Variants in ANKRD31 observed in about 807,000 individuals in gnomAD.
The protein encoded by ANKRD31 is ankyrin repeat domain 31.
In ANKRD31, 147 loss-of-function variants were observed where a neutral mutation model predicts 186.0. The ratio of observed to expected loss-of-function variants is 0.79; its 90% confidence interval spans 0.69 to 0.91. ANKRD31 has a LOEUF of 0.91. ANKRD31 is among the 40% of genes least tolerant of loss of function. The pLI is 0.00. For synonymous variants in ANKRD31, 673 were observed against 736.4 expected, an observed-to-expected ratio of 0.91 and a Z score of 1.39; for missense variants, 1,986 against 2,148.8, an observed-to-expected ratio of 0.92 and a Z score of 1.50.
intron 11 of ANKRD31, among the ~76,000 whole-genome samples, chr5:75,158,688 C>G (rs898626132): frequency 1.3e-5 from 2 of 151,986 alleles, no homozygotes; most frequent in Admixed American, 1.3e-4. Context: ...ACCACTCAGG[C>G]AGCTAAGGCA....
chr5:75,138,012 A>C lies in ANKRD31; in HGVS notation c.3734-14T>G. On this transcript the variant is annotated splice_polypyrimidine_tract_variant and intron_variant, in intron 16 of 25. Coordinates refer to ENST00000506364, the MANE Select transcript of ANKRD31 (RefSeq NM_001372053.1). ...GTGGTGTCCAACCTAAAAAAAGAAA[A>C]AGAAAAAAAAAAACCCTGCTTCATG... is the stretch of plus-strand genomic sequence containing the variant. 7.1e-7 allele frequency: 1 copy of C among 1,402,804 alleles called. No homozygotes were observed. Among genetic ancestry groups the C allele is most frequent in the African/African-American group, 2.3e-5 (1 of 43,228 alleles). 86.9% of individuals were successfully genotyped at this position (1,402,804 alleles called of 1,614,324 possible). A position where few individuals can be genotyped will look rare whatever the true frequency, so the allele number is the denominator to read the frequency against.
intron 3 of ANKRD31, among the ~76,000 whole-genome samples, chr5:75,218,443 T>C (rs911566434): frequency 6.6e-6 from 1 of 151,962 alleles, no homozygotes; most frequent in African/African-American, 2.4e-5. Flanking sequence ...TGAAATTAAA[T>C]CAGTAATAAA....
intron 3 of ANKRD31, among the ~76,000 whole-genome samples, chr5:75,216,717 G>T (rs551684880): frequency 2.0e-4 from 31 of 152,168 alleles, no homozygotes; most frequent in African/African-American, 7.2e-4. Context: ...CTACTAAAAT[G>T]TATGTATCTT....
intron 17 of ANKRD31, among the ~76,000 whole-genome samples, chr5:75,122,963 G>A (rs1265013274): frequency 6.6e-6 from 1 of 151,906 alleles, no homozygotes; most frequent in Non-Finnish European, 1.5e-5. Flanking sequence ...AGAAAGAAAA[G>A]GCATCCAAGT....
At chr5:75,168,269 G>C (rs1259469384) in intron 11 of ANKRD31, among the ~76,000 whole-genome samples, 1 of 152,110 alleles carries the variant, frequency 6.6e-6, no homozygotes, top group African/African-American at 2.4e-5. Flanking sequence ...ATCCCAGATA[G>C]TTAATACCCT....
intron 9 of ANKRD31, among the ~76,000 whole-genome samples, chr5:75,192,015 G>A (rs994921089): frequency 8.6e-5 from 13 of 151,950 alleles, no homozygotes; most frequent in Non-Finnish European, 1.8e-4. Context: ...TTCTAAATAC[G>A]TATGCATCCA....
chr5:75,116,495 A>G, intron 19 of ANKRD31, 71 bp downstream of exon 19: 1 of 869,952 alleles, frequency 1.1e-6, no homozygotes, highest in Non-Finnish European at 1.6e-6. Flanking sequence ...CCATTAGCCA[A>G]TAACTAACTG....
intron 17 of ANKRD31, among the ~76,000 whole-genome samples, chr5:75,132,394 G>T (rs917002784): frequency 2.2e-4 from 34 of 152,226 alleles, no homozygotes; most frequent in African/African-American, 6.5e-4. Context: ...TAGCCCATTC[G>T]ATCAACTGGA....
At chr5:75,074,925 A>C (rs998545814) in intron 25 of ANKRD31, among the ~76,000 whole-genome samples, 2 of 152,108 alleles carry the variant, frequency 1.3e-5, no homozygotes, top group Non-Finnish European at 2.9e-5. Context: ...ACTTGAACAA[A>C]CCTTTGCTCC....
At chr5:75,210,761 T>A in intron 4 of ANKRD31, 67 bp downstream of exon 4, 1 of 1,099,504 alleles carries the variant, frequency 9.1e-7, no homozygotes, top group Non-Finnish European at 1.2e-6. Context: ...AAATGAATAT[T>A]CATCTTAGAT....
At position 75,084,317 on chromosome 5, in the gene ANKRD31, G is replaced by A; in HGVS notation, c.5530C>T (p.Pro1844Ser). The A allele has an allele frequency of 6.5e-7, 1 of 1,537,152 alleles. No individual in the cohort carries two copies. The highest frequency in any genetic ancestry group is 8.7e-7 in the Non-Finnish European group (1 of 1,146,868). ...TGCTGAGGTACTGAGTTTGGTTCTG[G>A]AAGTATGGGTGCATCCTCAGAAACA... ...RYVSEDAPILPEPNSVPQQYQ... is the reference protein window; with the variant it reads ...RYVSEDAPILSEPNSVPQQYQ... The change falls in exon 24 of 26, where the codon CCA (proline) becomes TCA (serine). Residue 1844 changes from proline to serine, a missense_variant. Pro to Ser is a moderately conservative substitution (Grantham distance 74, BLOSUM62 -1). Transcript: ENST00000506364.
chr5:75,097,077 A>G (rs1365256540), intron 22 of ANKRD31, among the ~76,000 whole-genome samples: 1 of 152,166 alleles, frequency 6.6e-6, no homozygotes, highest in African/African-American at 2.4e-5. Flanking sequence ...CATTTGGGTT[A>G]GTTCCAAGTC....
At chr5:75,091,883 T>C (rs1319162047) in intron 22 of ANKRD31, among the ~76,000 whole-genome samples, 2 of 152,194 alleles carry the variant, frequency 1.3e-5, no homozygotes, top group East Asian at 3.8e-4. Context: ...GCTCCACCTT[T>C]GGCACGGCAC....
At chr5:75,105,240 G>T in intron 21 of ANKRD31, 22 bp from the exon 22 acceptor site, 2 of 1,449,722 alleles carry the variant, frequency 1.4e-6, no homozygotes, top group Non-Finnish European at 1.8e-6. Context: ...AACAGAAAGA[G>T]AAAAAATGCA....
chr5:75,158,791 C>T (rs1220441564), intron 11 of ANKRD31, among the ~76,000 whole-genome samples: 1 of 151,662 alleles, frequency 6.6e-6, no homozygotes, highest in Non-Finnish European at 1.5e-5. Context: ...GATTCTGTCT[C>T]AAAAGAGAGA....
intron 10 of ANKRD31, among the ~76,000 whole-genome samples, chr5:75,173,421 T>C (rs1580480246): frequency 2.0e-5 from 3 of 152,102 alleles, no homozygotes; most frequent in East Asian, 1.9e-4. Context: ...AGGATTCAAT[T>C]AGGAAAAGAG....
At chr5:75,069,914 G>C (rs542502387) in intron 25 of ANKRD31, among the ~76,000 whole-genome samples, 25 of 152,260 alleles carry the variant, frequency 1.6e-4, no homozygotes, top group African/African-American at 5.3e-4. Context: ...TGAGAAGAAA[G>C]GCTATTAGGA....
At chr5:75,145,691 C>A (rs141272671) in intron 14 of ANKRD31, among the ~76,000 whole-genome samples, 9 of 152,084 alleles carry the variant, frequency 5.9e-5, no homozygotes, top group African/African-American at 2.2e-4. Context: ...TGTAACAAAT[C>A]TGCACGTTCT....
chr5:75,210,107 TGTTTTAAAAGAACTGAAAGGACA>T (rs1380801003), intron 4 of ANKRD31, among the ~76,000 whole-genome samples: 2 of 152,234 alleles, frequency 1.3e-5, no homozygotes, highest in Admixed American at 6.5e-5. Flanking sequence ...TGAGAATCAT[TGTTTTAAAAGAACTGAAAGGACA>T]GTTTCTTTCC....
Sources: allele counts gnomAD v4.1 joint callset (sites outside exome capture counted in the v4.1 genomes callset), GRCh38; gene constraint gnomAD v4.1.1; transcripts MANE v1.5; gene names NCBI Gene and HGNC (gene_info 2026-07-23, HGNC 2026-07-21).